Variants in PAK5 observed in about 807,000 individuals in gnomAD.
PAK5 encodes the protein serine/threonine-protein kinase PAK 5.
In PAK5, 16 loss-of-function variants were observed where a neutral mutation model predicts 65.9. The ratio of observed to expected loss-of-function variants is 0.24; its 90% confidence interval spans 0.16 to 0.37. The LOEUF (loss-of-function observed/expected upper bound fraction) is 0.37, where lower values mean the gene tolerates loss of function less well. Ranked by LOEUF, PAK5 falls within the 10% of genes least tolerant of loss-of-function variation. The probability of loss-of-function intolerance (pLI) is 1.00; values close to 1 mark genes in which losing one functional copy is unlikely to be tolerated. For missense variants in PAK5, 785 were observed against 903.9 expected, an observed-to-expected ratio of 0.87 and a Z score of 1.69; for synonymous variants, 371 against 354.9, an observed-to-expected ratio of 1.05 and a Z score of -0.51.
rs78217777 is a variant in PAK5, at chr20:9,753,832, T to C, written c.-161-42397A>G. 2.0e-3 allele frequency among the ~76,000 whole-genome samples: 307 copies of C among 152,270 alleles called. 1 individual carries two copies. The highest frequency in any genetic ancestry group is 6.3e-3 in the African/African-American group (261 of 41,572). ...AAGCAGAATACCAGAATATCTCTGA[T>C]GGCATTTAAGCTCCAGAGCTCCTCA... On this transcript the variant is annotated intron_variant, in intron 1 of 9. Transcript: ENST00000353224.
intron 3 of PAK5, among the ~76,000 whole-genome samples, chr20:9,624,026 C>G (rs2046807583): frequency 6.6e-6 from 1 of 152,074 alleles, no homozygotes; most frequent in African/African-American, 2.4e-5. Flanking sequence ...CTTTATGATC[C>G]AACAATCCCA....
intron 3 of PAK5, among the ~76,000 whole-genome samples, chr20:9,605,524 G>A (rs1490025631): frequency 6.6e-6 from 1 of 152,198 alleles, no homozygotes; most frequent in African/African-American, 2.4e-5. Context: ...CAGACATAAT[G>A]ATATATTGCT....
intron 2 of PAK5, among the ~76,000 whole-genome samples, chr20:9,690,625 T>C (rs2047780251): frequency 6.6e-6 from 1 of 151,978 alleles, no homozygotes; most frequent in Non-Finnish European, 1.5e-5. Context: ...TGCCAGCCCC[T>C]GCTTCCCACC....
chr20:9,784,935 T>C (rs1600371496), intron 1 of PAK5, among the ~76,000 whole-genome samples: 1 of 152,066 alleles, frequency 6.6e-6, no homozygotes, highest in East Asian at 1.9e-4. Flanking sequence ...TTGAACAAAA[T>C]GGCAGTTTAG....
intron 2 of PAK5, among the ~76,000 whole-genome samples, chr20:9,689,468 T>C (rs2047763388): frequency 6.6e-6 from 1 of 152,196 alleles, no homozygotes; most frequent in Non-Finnish European, 1.5e-5. Flanking sequence ...CCTTTGTGTC[T>C]ACATCCGGCA....
chr20:9,628,667 A>C (rs1240486967), intron 3 of PAK5, among the ~76,000 whole-genome samples: 19 of 152,180 alleles, frequency 1.2e-4, no homozygotes, highest in Admixed American at 1.2e-3. Context: ...AACATCTGTT[A>C]AGGAAATGAA....
rs766022070 is a variant in PAK5 at position 9,580,806 on chromosome 20, T to C, written c.329A>G (p.Gln110Arg). ...GCCTGGACCGTGGCTGGAGGCTCCC[T>C]GATCTGGGGTGGGTGGGCTTTCTTT... ...LRKESPPTPD[Q>R]GASSHGPGHA... Residue 110 changes from glutamine (Q) to arginine (R), a missense_variant, in exon 4 of 10, where the codon CAG becomes CGG. By Grantham distance (43) the Gln-to-Arg change is conservative. Coordinates refer to ENST00000353224, the MANE Select transcript of PAK5 (RefSeq NM_177990.4). 1.2e-5 allele frequency: 20 copies of C among 1,613,966 alleles called. No homozygotes were observed. Among genetic ancestry groups the C allele is most frequent in the South Asian group, 8.8e-5 (8 of 91,072 alleles).
chr20:9,645,483 C>CAT (rs2047121804), intron 2 of PAK5, among the ~76,000 whole-genome samples: 1 of 152,236 alleles, frequency 6.6e-6, no homozygotes, highest in Non-Finnish European at 1.5e-5. Flanking sequence ...TACAACACTG[C>CAT]ATGGGCATTG....
At position 9,580,709 on chromosome 20, in the gene PAK5, C is replaced by T. The variant is rs1200878761; in HGVS notation, c.426G>A (p.Thr142=). Residue 142 remains threonine, a synonymous_variant, in exon 4 of 10, where the codon ACG becomes ACA. Transcript: ENST00000353224. ...GACTCTTCTCCCTGTACTTTTCGGT[C>T]GTGTAGTCAGCAGTAGTATCGGATT... ...SSESDTTADY[T]TEKYREKSLY... 2 of 1,613,880 alleles carry T rather than the reference C, an allele frequency of 1.2e-6. No individual in the cohort carries two copies. The highest frequency in any genetic ancestry group is 1.1e-5 in the South Asian group (1 of 91,028).
intron 1 of PAK5, among the ~76,000 whole-genome samples, chr20:9,788,948 A>G (rs1786677424): frequency 6.6e-6 from 1 of 152,178 alleles, no homozygotes. Context: ...AAGGCTATGC[A>G]GGTGAATAAA....
chr20:9,654,709 C>T (rs1445223617), intron 2 of PAK5, among the ~76,000 whole-genome samples: 2 of 152,116 alleles, frequency 1.3e-5, no homozygotes, highest in Non-Finnish European at 2.9e-5. Context: ...TGGGGACCAC[C>T]CCTTGGTACC....
At chr20:9,783,193 C>T (rs557406226) in intron 1 of PAK5, among the ~76,000 whole-genome samples, 11 of 152,248 alleles carry the variant, frequency 7.2e-5, no homozygotes, top group African/African-American at 2.4e-4. Flanking sequence ...ACCCTAGCCT[C>T]CCAAAGTGCT....
At chr20:9,664,056 T>A (rs149719394) in intron 2 of PAK5, among the ~76,000 whole-genome samples, 80 of 152,288 alleles carry the variant, frequency 5.3e-4, no homozygotes, top group African/African-American at 1.8e-3. Flanking sequence ...AGTGCATATT[T>A]TACCTCATGA....
intron 1 of PAK5, among the ~76,000 whole-genome samples, chr20:9,779,139 G>T (rs2048915884): frequency 6.6e-6 from 1 of 151,914 alleles, no homozygotes; most frequent in Non-Finnish European, 1.5e-5. Context: ...TTTTACATTG[G>T]CAGCTATCAC....
chr20:9,807,529 G>A (rs1256588444), intron 1 of PAK5, among the ~76,000 whole-genome samples: 1 of 151,972 alleles, frequency 6.6e-6, no homozygotes, highest in Non-Finnish European at 1.5e-5. Flanking sequence ...GAGAAACTGA[G>A]ACCCACATGA....
intron 5 of PAK5, among the ~76,000 whole-genome samples, chr20:9,564,614 T>G (rs2045643480): frequency 6.6e-6 from 1 of 152,188 alleles, no homozygotes; most frequent in Non-Finnish European, 1.5e-5. Context: ...GTACAAACTT[T>G]CTAGAAATTA....
At chr20:9,617,799 C>T (rs1216354706) in intron 3 of PAK5, among the ~76,000 whole-genome samples, 10 of 152,018 alleles carry the variant, frequency 6.6e-5, no homozygotes, top group Non-Finnish European at 1.5e-5. Context: ...TCGTGATCCA[C>T]CCGCCTCGGC....
chr20:9,783,858 T>C (rs2048966706), intron 1 of PAK5, among the ~76,000 whole-genome samples: 1 of 152,186 alleles, frequency 6.6e-6, no homozygotes, highest in Non-Finnish European at 1.5e-5. Flanking sequence ...CCCCATTTAA[T>C]AGATTTAACC....
intron 3 of PAK5, among the ~76,000 whole-genome samples, chr20:9,585,706 A>G (rs764289065): frequency 2.0e-5 from 3 of 152,194 alleles, no homozygotes; most frequent in Non-Finnish European, 4.4e-5. Context: ...CCTTCCCCCT[A>G]GAATTGTAGC....
Sources: allele counts gnomAD v4.1 joint callset (sites outside exome capture counted in the v4.1 genomes callset), GRCh38; gene constraint gnomAD v4.1.1; transcripts MANE v1.5; gene names NCBI Gene and HGNC (gene_info 2026-07-23, HGNC 2026-07-21).